The following ABL1 variants were observed in gnomAD, a reference collection of about 807,000 sequenced individuals.
The protein encoded by ABL1 is ABL proto-oncogene 1, non-receptor tyrosine kinase.
A neutral mutation model predicts 94.7 loss-of-function variants in ABL1; 11 were observed. The observed-to-expected ratio is 0.12, with a 90% confidence interval of 0.07 to 0.19. The LOEUF (loss-of-function observed/expected upper bound fraction) is 0.19. Ranked by LOEUF, ABL1 falls within the 10% of genes least tolerant of loss-of-function variation. The pLI, the probability that ABL1 is intolerant of heterozygous loss-of-function variation, is 1.00. For missense variants in ABL1, 1,082 were observed against 1,489.4 expected, an observed-to-expected ratio of 0.73 and a Z score of 4.50; for synonymous variants, 656 against 622.4, an observed-to-expected ratio of 1.05 and a Z score of -0.80.
At chr9:130,812,589 A>T (rs1040508201) in intron 1 of ABL1, among the ~76,000 whole-genome samples, 1 of 152,232 alleles carries the variant, frequency 6.6e-6, no homozygotes, top group African/African-American at 2.4e-5. Flanking sequence ...ACCAAGGATA[A>T]AGGAGAATTA....
At chr9:130,795,470 C>T (rs1049312843) in intron 1 of ABL1, among the ~76,000 whole-genome samples, 7 of 152,160 alleles carry the variant, frequency 4.6e-5, no homozygotes, top group African/African-American at 1.7e-4. Flanking sequence ...GAAGTCATCA[C>T]ACTTATGAAT....
intron 1 of ABL1, among the ~76,000 whole-genome samples, chr9:130,770,885 C>T (rs1425125085): frequency 3.3e-5 from 5 of 152,206 alleles, no homozygotes; most frequent in South Asian, 2.1e-4. Context: ...GGTGAATTAC[C>T]GACTCTGGGT....
At chr9:130,849,942 C>T (rs904881107) in intron 1 of ABL1, among the ~76,000 whole-genome samples, 2 of 152,162 alleles carry the variant, frequency 1.3e-5, no homozygotes, top group African/African-American at 2.4e-5. Flanking sequence ...AATGCTCTGC[C>T]TCACAGTTTT....
At chr9:130,753,385 A>G (rs1174240084) in intron 1 of ABL1, among the ~76,000 whole-genome samples, 3 of 145,566 alleles carry the variant, frequency 2.1e-5, no homozygotes, top group African/African-American at 7.7e-5. Context: ...ACTGTCTTAT[A>G]CTTGCCTCTC....
chr9:130,715,593 G>A (rs1195935208), intron 1 of ABL1, among the ~76,000 whole-genome samples: 1 of 152,176 alleles, frequency 6.6e-6, no homozygotes, highest in Non-Finnish European at 1.5e-5. Flanking sequence ...GGCAAATATG[G>A]TAATGTGTTG....
chr9:130,878,388 A>G, intron 7 of ABL1, 27 bp from the exon 8 acceptor site: 1 of 1,612,378 alleles, frequency 6.2e-7, no homozygotes, highest in Non-Finnish European at 8.5e-7. Flanking sequence ...CATCTTGAAC[A>G]GCCTTTCTCT....
At chr9:130,780,815 TG>T (rs1278521770) in intron 1 of ABL1, among the ~76,000 whole-genome samples, 2 of 152,170 alleles carry the variant, frequency 1.3e-5, no homozygotes, top group African/African-American at 4.8e-5. Flanking sequence ...AAGGTGGAAA[TG>T]TGGTCCTAAA....
At chr9:130,765,049 A>G (rs1832164614) in intron 1 of ABL1, among the ~76,000 whole-genome samples, 1 of 151,908 alleles carries the variant, frequency 6.6e-6, no homozygotes, top group Non-Finnish European at 1.5e-5. Flanking sequence ...CTTTTTGGCC[A>G]GAGTTGATCA....
chr9:130,884,704 G>A lies in ABL1; in HGVS notation c.2414G>A (p.Ser805Asn), dbSNP rs935275253. 1.2e-6 allele frequency: 2 copies of A among 1,612,558 alleles called. No individual in the cohort carries two copies. Among genetic ancestry groups the A allele is most frequent in the Non-Finnish European group, 1.7e-6 (2 of 1,179,938 alleles). The change falls in exon 11 of 11, where the codon AGC becomes AAC. Residue 805 changes from serine to asparagine, a missense_variant. By Grantham distance (46) the Ser-to-Asn change is conservative. This residue lies in a region of ABL1 where 780 missense variants were observed against 835.8 expected (regional missense o/e 0.93). Coordinates refer to ENST00000318560, the MANE Select transcript of ABL1 (RefSeq NM_005157.6). The surrounding 1 kb of genome is among the most constrained non-coding windows in gnomAD (Gnocchi z 5.6). The stretch of plus-strand genomic sequence containing the variant: ...GTCTTCAAAGACATCATGGAGTCCA[G>A]CCCGGGCTCCAGCCCGCCCAACCTG... ...DEVFKDIMES[S>N]PGSSPPNLTP... is the part of the protein sequence containing the mutation.
At position 130,886,259 on chromosome 9, in the gene ABL1, C is replaced by T. The variant is rs754677704; in HGVS notation, c.*576C>T. On this transcript the variant is annotated 3_prime_UTR_variant, in exon 11 of 11. Transcript: ENST00000318560. ...GGTCACTCTGCCCTCTGCTGCTGCC[C>T]GGGGTGGGGTGCACTCGCCATTTCC... 2.0e-4 allele frequency: 48 copies of T among 235,354 alleles called. No homozygotes were observed. The highest frequency in any genetic ancestry group is 3.8e-4 in the Non-Finnish European group (45 of 119,438). The allele number at this position is 235,354 out of a possible 1,614,324, so 14.6% of individuals were successfully genotyped here. A position where few individuals can be genotyped will look rare whatever the true frequency, so the allele number is the denominator to read the frequency against.
chr9:130,878,023 C>G (rs1357089225), intron 7 of ABL1, among the ~76,000 whole-genome samples: 1 of 152,082 alleles, frequency 6.6e-6, no homozygotes, highest in African/African-American at 2.4e-5. Context: ...CCATGTTAGC[C>G]AGGATGGTCT....
intron 1 of ABL1, among the ~76,000 whole-genome samples, chr9:130,853,487 T>C (rs1830919490): frequency 6.6e-6 from 1 of 151,792 alleles, no homozygotes; most frequent in Admixed American, 6.6e-5. Flanking sequence ...CAATCTCTGC[T>C]CACTGAGACC....
intron 1 of ABL1, among the ~76,000 whole-genome samples, chr9:130,736,719 G>C (rs562793840): frequency 2.1e-4 from 32 of 152,136 alleles, no homozygotes; most frequent in African/African-American, 7.7e-4. Context: ...TCAAACTTCC[G>C]ATCTCAGGTG....
chr9:130,765,326 G>A (rs993923142), intron 1 of ABL1, among the ~76,000 whole-genome samples: 2 of 152,144 alleles, frequency 1.3e-5, no homozygotes, highest in Non-Finnish European at 2.9e-5. Flanking sequence ...GGCCACCTGG[G>A]TGCTGCTCCC....
At chr9:130,851,873 C>G (rs1326195637) in intron 1 of ABL1, among the ~76,000 whole-genome samples, 1 of 147,814 alleles carries the variant, frequency 6.8e-6, no homozygotes, top group African/African-American at 2.5e-5. Context: ...TCAGGCAATT[C>G]TCCGGCCTCA....
chr9:130,751,823 T>C (rs904745171), intron 1 of ABL1, among the ~76,000 whole-genome samples: 2 of 152,216 alleles, frequency 1.3e-5, no homozygotes, highest in African/African-American at 2.4e-5. Context: ...GCAACAGATG[T>C]GTGCTGGGCC....
chr9:130,875,864 G>A (rs547120572), intron 7 of ABL1, among the ~76,000 whole-genome samples: 19 of 151,814 alleles, frequency 1.3e-4, no homozygotes, highest in Non-Finnish European at 2.2e-4. Context: ...TTTCGCTCTT[G>A]TTGCCCAGGC....
chr9:130,864,285 G>C (rs1171726062), intron 4 of ABL1, among the ~76,000 whole-genome samples: 3 of 152,184 alleles, frequency 2.0e-5, no homozygotes, highest in East Asian at 3.9e-4. Flanking sequence ...TTACTCTGTT[G>C]CCTAGGCTGG....
intron 1 of ABL1, among the ~76,000 whole-genome samples, chr9:130,818,771 A>AGATCAATTCAGCATGCATGTATGGG (rs1426319487): frequency 6.6e-6 from 1 of 152,214 alleles, no homozygotes; most frequent in Non-Finnish European, 1.5e-5. Flanking sequence ...CCTTTGTGGA[A>AGATCAATTCAGCATGCATGTATGGG]GATCAATTCA....
Sources: gnomAD v4.1 joint callset for allele counts (sites outside exome capture counted in the v4.1 genomes callset) on GRCh38, gnomAD v4.1.1 for gene constraint, gnomAD v4.1.1 regional missense constraint, Gnocchi (gnomAD v3.1) non-coding constraint, MANE v1.5 for transcripts, NCBI Gene and HGNC (gene_info 2026-07-23, HGNC 2026-07-21) for gene names.